The following PIK3C2G variants were observed in gnomAD, a reference collection of about 807,000 sequenced individuals.
PIK3C2G encodes the protein phosphatidylinositol-4-phosphate 3-kinase catalytic subunit type 2 gamma.
PIK3C2G carries 168 observed loss-of-function variants against 181.1 expected under a neutral mutation model. The observed-to-expected ratio is 0.93, with a 90% confidence interval of 0.82 to 1.05. PIK3C2G has a LOEUF of 1.05. PIK3C2G is among the 50% of genes least tolerant of loss of function. The pLI is 0.00. For missense variants in PIK3C2G, 1,869 were observed against 1,732.8 expected (o/e 1.08, Z -1.40); for synonymous variants, 573 against 592.2 (o/e 0.97, Z 0.47).
intron 8 of PIK3C2G, among the ~76,000 whole-genome samples, chr12:18,326,505 C>G (rs752068806): frequency 3.9e-5 from 6 of 152,118 alleles, no homozygotes; most frequent in Non-Finnish European, 8.8e-5. Flanking sequence ...GATGTAGATA[C>G]TGAAATCATA....
rs1319522740 is a variant in PIK3C2G, at chr12:18,301,356, T to G, written c.1034+7341T>G. Among the ~76,000 whole-genome samples the G allele has an allele frequency of 7.2e-5, 11 of 152,332 alleles. No individual in the cohort carries two copies. In the East Asian group the frequency reaches 2.1e-3, roughly 29 times the overall value. On this transcript the variant is annotated intron_variant, in intron 5 of 32. Coordinates refer to ENST00000538779, the MANE Select transcript of PIK3C2G (RefSeq NM_001288772.2). Reference sequence around the variant, plus strand: ...AACACCCAAAATGTGAATATTTGGTTGCTTTATGGTGTCCCATATGTCACA... The same window carrying G: ...AACACCCAAAATGTGAATATTTGGTGGCTTTATGGTGTCCCATATGTCACA...
intron 1 of PIK3C2G, among the ~76,000 whole-genome samples, chr12:18,269,018 C>A (rs1240030818): frequency 6.6e-6 from 1 of 151,906 alleles, no homozygotes; most frequent in African/African-American, 2.4e-5. Context: ...TCAAACAATT[C>A]TCATGCCTCA....
intron 1 of PIK3C2G, among the ~76,000 whole-genome samples, chr12:18,268,919 C>A (rs1231420650): frequency 1.3e-5 from 2 of 151,790 alleles, no homozygotes; most frequent in African/African-American, 2.4e-5. Context: ...ACTTAGATTT[C>A]TTTCTTTTTT....
chr12:18,289,428 T>C (rs1450289543), intron 3 of PIK3C2G, among the ~76,000 whole-genome samples: 1 of 152,216 alleles, frequency 6.6e-6, no homozygotes, highest in East Asian at 1.9e-4. Context: ...GCTGAAATCA[T>C]GGACGCATTG....
At chr12:18,450,679 T>C (rs925253141) in intron 18 of PIK3C2G, among the ~76,000 whole-genome samples, 3 of 152,182 alleles carry the variant, frequency 2.0e-5, no homozygotes, top group Non-Finnish European at 4.4e-5. Flanking sequence ...TGAGTGGTAT[T>C]GCTTAGGTTT....
At chr12:18,535,066 C>T (rs1943776537) in intron 24 of PIK3C2G, among the ~76,000 whole-genome samples, 1 of 152,002 alleles carries the variant, frequency 6.6e-6, no homozygotes, top group African/African-American at 2.4e-5. Flanking sequence ...ATTTATACCT[C>T]AGATTTATAA....
chr12:18,620,611 A>G (rs979138404), intron 31 of PIK3C2G, among the ~76,000 whole-genome samples: 2 of 152,090 alleles, frequency 1.3e-5, no homozygotes, highest in Non-Finnish European at 2.9e-5. Context: ...CCTGGCATAC[A>G]AATGTATTGA....
intron 30 of PIK3C2G, among the ~76,000 whole-genome samples, chr12:18,598,655 A>G (rs1384051199): frequency 6.8e-6 from 1 of 147,264 alleles, no homozygotes; most frequent in Non-Finnish European, 1.5e-5. Context: ...AATGGGATCT[A>G]ATTAAACTAA....
intron 18 of PIK3C2G, among the ~76,000 whole-genome samples, chr12:18,462,167 C>T (rs12314156): frequency 7.9e-5 from 12 of 152,116 alleles, no homozygotes; most frequent in Admixed American, 5.2e-4. Flanking sequence ...GAGGAGTGGG[C>T]GCATTATTCA....
intron 12 of PIK3C2G, among the ~76,000 whole-genome samples, chr12:18,368,997 G>T (rs1008493352): frequency 1.3e-5 from 2 of 152,104 alleles, no homozygotes; most frequent in African/African-American, 2.4e-5. Flanking sequence ...CCTCAGCTGG[G>T]TGAACCTCAG....
At chr12:18,365,996 TA>T (rs1181686926) in intron 12 of PIK3C2G, among the ~76,000 whole-genome samples, 5 of 152,146 alleles carry the variant, frequency 3.3e-5, no homozygotes, top group African/African-American at 1.2e-4. Context: ...TTCAATGGTC[TA>T]AAAAACCATC....
intron 18 of PIK3C2G, chr12:18,424,818 G>C (rs1945698492): frequency 4.8e-6 from 1 of 210,368 alleles, no homozygotes; most frequent in East Asian, 1.1e-4. Context: ...TATATGACTG[G>C]AGCAGCTGTA....
At position 18,434,421 on chromosome 12, in the gene PIK3C2G, A is replaced by G. The variant is rs74756546; in HGVS notation, c.2504+10382A>G. Reference sequence around the variant, plus strand: ...CCCTGAACCTGGACCCAAATAAGATAGAATCATAGCATATAATCATAGAAT... The same window carrying G: ...CCCTGAACCTGGACCCAAATAAGATGGAATCATAGCATATAATCATAGAAT... On this transcript the variant is annotated intron_variant, in intron 18 of 32. Transcript: ENST00000538779. Among the ~76,000 whole-genome samples the G allele has an allele frequency of 2.0e-4, 30 of 152,342 alleles. No homozygotes were observed. The East Asian group carries it at 2.5e-3, about 13-fold the overall frequency.
chr12:18,286,756 T>C, intron 2 of PIK3C2G, 91 bp from the exon 3 acceptor site: 2 of 715,276 alleles, frequency 2.8e-6, no homozygotes, highest in East Asian at 2.9e-5. Context: ...AAATGAAGTC[T>C]GAATGAAACT....
the PIK3C2G span, among the ~76,000 whole-genome samples, chr12:18,703,906 C>T: frequency 6.6e-6 from 1 of 152,090 alleles, no homozygotes; most frequent in Non-Finnish European, 1.5e-5. Context: ...CCAAATATTA[C>T]AAAAATATTG....
intron 16 of PIK3C2G, among the ~76,000 whole-genome samples, chr12:18,408,816 G>A (rs376635723): frequency 4.6e-5 from 7 of 152,078 alleles, no homozygotes; most frequent in African/African-American, 1.7e-4. Context: ...ATAACTTGTC[G>A]TTAGAGAAAT....
chr12:18,272,041 A>G (rs1323543408), intron 1 of PIK3C2G, among the ~76,000 whole-genome samples: 5 of 152,198 alleles, frequency 3.3e-5, no homozygotes, highest in African/African-American at 1.2e-4. Flanking sequence ...TTGTCTCCCC[A>G]TGAGTAAACA....
the PIK3C2G span, chr12:18,723,643 G>A: frequency 1.1e-6 from 1 of 945,828 alleles, no homozygotes; most frequent in Non-Finnish European, 1.6e-6. Context: ...ATACTTGAAA[G>A]AAGATGAAAA....
chr12:18,339,324 T>G (rs1938890702), intron 9 of PIK3C2G, among the ~76,000 whole-genome samples: 1 of 152,156 alleles, frequency 6.6e-6, no homozygotes, highest in East Asian at 1.9e-4. Flanking sequence ...ATGCATTACC[T>G]CACTGAATTT....
Sources: gnomAD v4.1 joint callset for allele counts (sites outside exome capture counted in the v4.1 genomes callset) on GRCh38, gnomAD v4.1.1 for gene constraint, MANE v1.5 for transcripts, NCBI Gene and HGNC (gene_info 2026-07-23, HGNC 2026-07-21) for gene names.